PPARA: variants seen among roughly 807,000 people sequenced by gnomAD.
PPARA encodes peroxisome proliferator-activated receptor alpha.
PPARA carries 22 observed loss-of-function variants against 42.2 expected under a neutral mutation model. The ratio of observed to expected loss-of-function variants is 0.52; its 90% CI spans 0.37 to 0.74. The LOEUF (loss-of-function observed/expected upper bound fraction) is 0.74, where lower values mean the gene tolerates loss of function less well. PPARA is among the 30% of genes least tolerant of loss of function. PPARA has a pLI of 0.00. For missense variants in PPARA, 465 were observed against 608.2 expected, an observed-to-expected ratio of 0.76 and a Z score of 2.48; for synonymous variants, 242 against 239.3, an observed-to-expected ratio of 1.01 and a Z score of -0.10.
chr22:46,166,798 G>T (rs1426406261), intron 2 of PPARA, among the ~76,000 whole-genome samples: 1 of 152,096 alleles, frequency 6.6e-6, no homozygotes, highest in Non-Finnish European at 1.5e-5. Flanking sequence ...TCTTAGGATG[G>T]CGACTTTTCC....
chr22:46,198,097 G>T (rs1234532025), intron 3 of PPARA, among the ~76,000 whole-genome samples: 2 of 149,402 alleles, frequency 1.3e-5, no homozygotes, highest in South Asian at 2.1e-4. Context: ...AATTAGCCAG[G>T]CGTGGTGGCA....
In PPARA at chr22:46,190,569, A is replaced by G. The variant is rs549034209; in HGVS notation, c.-42-7773A>G. On this transcript the variant is annotated intron_variant, in intron 3 of 8. Transcript: ENST00000407236. The surrounding 1 kb of genome is among the most constrained non-coding windows in gnomAD (Gnocchi z 5.6). Reference sequence around the variant, plus strand: ...GGAGTTCGAGACCAGGCTGGGCAACATAGTGAAACCTATCTCTACAAAAAT... The same window carrying G: ...GGAGTTCGAGACCAGGCTGGGCAACGTAGTGAAACCTATCTCTACAAAAAT... Among the ~76,000 whole-genome samples the G allele has an allele frequency of 3.9e-5, 6 of 152,274 alleles. No individual in the cohort carries two copies. The East Asian group carries it at 1.2e-3, about 29-fold the overall frequency.
In PPARA at chr22:46,162,144, C is replaced by G. The variant is rs1926284570; in HGVS notation, c.-127+10174C>G. On this transcript the variant is annotated intron_variant, in intron 2 of 8. Coordinates refer to ENST00000407236, the MANE Select transcript of PPARA (RefSeq NM_005036.6). The surrounding 1 kb of genome is among the most constrained non-coding windows in gnomAD (Gnocchi z 6.0). ...TCTCAGATGCAGACAGATTTTTCAG[C>G]TGGCCTGTGGCTCAGTTTCCCTCAG... Among the ~76,000 whole-genome samples, 1 of 152,212 alleles carries G rather than the reference C, an allele frequency of 6.6e-6. No individual in the cohort carries two copies. The highest frequency in any genetic ancestry group is 1.5e-5 in the Non-Finnish European group (1 of 68,030).
rs866878987 is a variant in PPARA, at chr22:46,194,898, T to C, written c.-42-3444T>C. The stretch of plus-strand genomic sequence containing the variant: ...CCCAGCTACCTGTTTTCTTTCTTTT[T>C]TTTTTTTTTTTTTCTTTTTTTGAGA... On this transcript the variant is annotated intron_variant, in intron 3 of 8. Coordinates refer to ENST00000407236, the MANE Select transcript of PPARA (RefSeq NM_005036.6). Among the ~76,000 whole-genome samples, 1,072 of 146,134 alleles carry C rather than the reference T, an allele frequency of 7.3e-3. 15 individuals carry two copies. Among genetic ancestry groups the C allele is most frequent in the African/African-American group, 0.025 (1,007 of 39,676 alleles).
intron 4 of PPARA, among the ~76,000 whole-genome samples, chr22:46,214,582 C>T (rs1010831580): frequency 1.4e-5 from 2 of 144,196 alleles, no homozygotes; most frequent in South Asian, 2.2e-4. Context: ...TGTGGGGGTC[C>T]GGAGATGTGC....
In PPARA at chr22:46,150,975, C is replaced by T. The variant is rs1924331688; in HGVS notation, c.-210+323C>T. 1 of 152,184 alleles carries T rather than the reference C, an allele frequency of 6.6e-6. No homozygotes were observed. The highest frequency in any genetic ancestry group is 1.5e-5 in the Non-Finnish European group (1 of 68,056). 9.4% of individuals were successfully genotyped at this position (152,184 alleles called of 1,614,324 possible). On this transcript the variant is annotated intron_variant, in intron 1 of 8. Transcript: ENST00000407236. This position sits in a 1 kb window ranked among gnomAD's most constrained non-coding sequence, Gnocchi z 7.5. ...CGGCTGTCCCTGGGGTTTGGCGCTG[C>T]GCGGAGGTCGGGTCTGGGGACCGCA... is the stretch of plus-strand genomic sequence containing the variant.
In PPARA at chr22:46,224,644, A is replaced by AG. The variant is rs1478557299; in HGVS notation, c.711+4632dup. ...GACTTCATTTCTGTTTGGGGATGAG[A>AG]GGCGGCACAGTAAACTGTCCAGGCC... is the stretch of plus-strand genomic sequence containing the variant. On this transcript the variant is annotated intron_variant, in intron 7 of 8. Coordinates refer to ENST00000407236, the MANE Select transcript of PPARA (RefSeq NM_005036.6). This position sits in a 1 kb window ranked among gnomAD's most constrained non-coding sequence, Gnocchi z 5.7. 6.6e-6 allele frequency among the ~76,000 whole-genome samples: 1 copy of AG among 152,052 alleles called. No homozygotes were observed. The highest frequency in any genetic ancestry group is 1.5e-5 in the Non-Finnish European group (1 of 68,018).
In PPARA at chr22:46,182,577, A is replaced by T. The variant is rs565964672; in HGVS notation, c.-43+5741A>T. On this transcript the variant is annotated intron_variant, in intron 3 of 8. Coordinates refer to ENST00000407236, the MANE Select transcript of PPARA (RefSeq NM_005036.6). This position sits in a 1 kb window ranked among gnomAD's most constrained non-coding sequence, Gnocchi z 5.2. ...TGGAGGGGCAAGAGGGAGAGATTAG[A>T]TGGGCACAGGAGAGCTTTGAGGATG... Among the ~76,000 whole-genome samples the T allele has an allele frequency of 1.4e-4, 22 of 152,286 alleles. No homozygotes were observed. The South Asian group carries it at 3.5e-3, about 24-fold the overall frequency.
chr22:46,183,221 C>G lies in PPARA; in HGVS notation c.-43+6385C>G, dbSNP rs1424632185. ...TGGGTAATTCTCCACTGAACACACA[C>G]TCGTTTAGCAGCATAAGCAGCAAGA... is the stretch of plus-strand genomic sequence containing the variant. On this transcript the variant is annotated intron_variant, in intron 3 of 8. Coordinates refer to ENST00000407236, the MANE Select transcript of PPARA (RefSeq NM_005036.6). This position sits in a 1 kb window ranked among gnomAD's most constrained non-coding sequence, Gnocchi z 5.5. Among the ~76,000 whole-genome samples, 4 of 152,218 alleles carry G rather than the reference C, an allele frequency of 2.6e-5. No homozygotes were observed. The highest frequency in any genetic ancestry group is 7.2e-5 in the African/African-American group (3 of 41,460).
intron 2 of PPARA, chr22:46,164,877 T>G (rs1395759975): frequency 6.6e-6 from 1 of 152,238 alleles, no homozygotes; most frequent in Non-Finnish European, 1.5e-5. Context: ...TCTATGGATT[T>G]TATTGAAGAT....
chr22:46,214,250 A>G (rs988741714), intron 4 of PPARA, among the ~76,000 whole-genome samples: 2 of 152,118 alleles, frequency 1.3e-5, no homozygotes, highest in Non-Finnish European at 1.5e-5. Flanking sequence ...GCGCGGGCCC[A>G]TAGATGTGCA....
rs1924498446 is a variant in PPARA, at chr22:46,151,951, C to A, written c.-146C>A. On this transcript the variant is annotated 5_prime_UTR_variant, in exon 2 of 9. The change creates a new upstream start codon in the 5' untranslated region. Coordinates refer to ENST00000407236, the MANE Select transcript of PPARA (RefSeq NM_005036.6). The stretch of plus-strand genomic sequence containing the variant: ...AGTTTGTGGCAAGACAAGCTCAGAA[C>A]TGAGAAGCTGTCACCACAGGTAAAT... The A allele has an allele frequency of 1.3e-5, 2 of 152,240 alleles. No homozygotes were observed. The highest frequency in any genetic ancestry group is 2.9e-5 in the Non-Finnish European group (2 of 68,076). 9.4% of individuals were successfully genotyped at this position (152,240 alleles called of 1,614,324 possible). A position where few individuals can be genotyped will look rare whatever the true frequency, so the allele number is the denominator to read the frequency against.
At chr22:46,174,899 T>C (rs142880856) in intron 2 of PPARA, among the ~76,000 whole-genome samples, 93 of 152,134 alleles carry the variant, frequency 6.1e-4, no homozygotes, top group African/African-American at 2.1e-3. Context: ...ATTTTTTGGA[T>C]AATTGTAGTT....
In PPARA at chr22:46,232,055, G is replaced by T. The variant is rs201836521; in HGVS notation, c.975G>T (p.Met325Ile). The change falls in exon 8 of 9, where the codon ATG becomes ATT. Residue 325 changes from methionine (M) to isoleucine (I), a missense_variant. Met to Ile is a conservative substitution (Grantham distance 10). Coordinates refer to ENST00000407236, the MANE Select transcript of PPARA (RefSeq NM_005036.6). The surrounding 1 kb of genome is among the most constrained non-coding windows in gnomAD (Gnocchi z 5.3). The part of the protein sequence containing the change: ...EAIFAMLSSV[M>I]NKDGMLVAYG... Reference sequence around the variant, plus strand: ...TATTCGCCATGCTGTCTTCTGTGATGAACAAAGACGGGATGCTGGTAGCGT... The same window carrying T: ...TATTCGCCATGCTGTCTTCTGTGATTAACAAAGACGGGATGCTGGTAGCGT... 223 of 1,614,098 alleles carry T rather than the reference G, an allele frequency of 1.4e-4. 1 individual carries two copies. Among genetic ancestry groups the T allele is most frequent in the Non-Finnish European group, 2.6e-5 (31 of 1,180,042 alleles).
chr22:46,186,907 C>T (rs1034524484), intron 3 of PPARA, among the ~76,000 whole-genome samples: 1 of 152,066 alleles, frequency 6.6e-6, no homozygotes, highest in African/African-American at 2.4e-5. Flanking sequence ...ATAAATTAGG[C>T]ACAGTAGGAG....
rs1925910169 is a variant in PPARA, at chr22:46,160,006, C to T, written c.-127+8036C>T. Among the ~76,000 whole-genome samples, 1 of 151,932 alleles carries T rather than the reference C, an allele frequency of 6.6e-6. No homozygotes were observed. The highest frequency in any genetic ancestry group is 2.1e-4 in the South Asian group (1 of 4,822). On this transcript the variant is annotated intron_variant, in intron 2 of 8. Transcript: ENST00000407236. This position sits in a 1 kb window ranked among gnomAD's most constrained non-coding sequence, Gnocchi z 4.5. ...TAGGGACAGAGATTCCGATCACAAG[C>T]TGTGACTGGAAGACGCCGACCACCA...
chr22:46,210,418 G>A (rs1933813911), intron 4 of PPARA, among the ~76,000 whole-genome samples: 1 of 149,408 alleles, frequency 6.7e-6, no homozygotes, highest in Non-Finnish European at 1.5e-5. Flanking sequence ...ATATTTTTCT[G>A]ATTCTTCATG....
Position 46,167,763 on chromosome 22 carries a change from C to A in PPARA, c.-126-8990C>A, listed in dbSNP as rs945959052. 1.3e-5 allele frequency among the ~76,000 whole-genome samples: 2 copies of A among 152,164 alleles called. No homozygotes were observed. Among genetic ancestry groups the A allele is most frequent in the Non-Finnish European group, 2.9e-5 (2 of 68,018 alleles). ...CATGATTTAAAAAGCATTAACTAGG[C>A]CAGGTATGCTGGCTTACACCTGTCA... On this transcript the variant is annotated intron_variant, in intron 2 of 8. Transcript: ENST00000407236. The surrounding 1 kb of genome is among the most constrained non-coding windows in gnomAD (Gnocchi z 4.1).
At position 46,211,339 on chromosome 22, in the gene PPARA, G is replaced by T. The variant is rs779240325; in HGVS notation, c.209-3834G>T. On this transcript the variant is annotated intron_variant, in intron 4 of 8. Transcript: ENST00000407236. The surrounding 1 kb of genome is among the most constrained non-coding windows in gnomAD (Gnocchi z 4.1). ...TCATTTTCAGTATACCTGCACAGTGGTATCAGAACTGTTAACCCACACCCT... is the reference window on the plus strand; with the variant it reads ...TCATTTTCAGTATACCTGCACAGTGTTATCAGAACTGTTAACCCACACCCT... Among the ~76,000 whole-genome samples the T allele has an allele frequency of 2.6e-5, 4 of 152,110 alleles. No individual in the cohort carries two copies. Among genetic ancestry groups the T allele is most frequent in the Non-Finnish European group, 4.4e-5 (3 of 68,014 alleles).
Sources: allele counts gnomAD v4.1 joint callset (sites outside exome capture counted in the v4.1 genomes callset), GRCh38; gene constraint gnomAD v4.1.1; non-coding constraint Gnocchi (gnomAD v3.1); transcripts MANE v1.5; gene names NCBI Gene and HGNC (gene_info 2026-07-23, HGNC 2026-07-21).